The following KCNJ6 variants were observed in gnomAD, a reference collection of about 807,000 sequenced individuals.
KCNJ6 encodes potassium inwardly rectifying channel subfamily J member 6.
Under a neutral mutation model 34.2 loss-of-function variants are expected in KCNJ6, and 9 were observed. The ratio of observed to expected loss-of-function variants is 0.26; its 90% CI spans 0.16 to 0.46. The LOEUF (loss-of-function observed/expected upper bound fraction) is 0.46, where lower values mean the gene tolerates loss of function less well. Ranked by LOEUF, KCNJ6 falls within the 20% of genes least tolerant of loss-of-function variation. The pLI is 1.00. For missense variants in KCNJ6, 236 were observed against 531.3 expected, an observed-to-expected ratio of 0.44 and a Z score of 5.46; for synonymous variants, 196 against 207.1, an observed-to-expected ratio of 0.95 and a Z score of 0.46.
At chr21:37,627,017 A>G (rs184275436) in intron 3 of KCNJ6, among the ~76,000 whole-genome samples, 382 of 152,294 alleles carry the variant, frequency 2.5e-3, no homozygotes, top group Middle Eastern at 6.8e-3. Flanking sequence ...TAGGACCACC[A>G]ATAAGTATTA....
chr21:37,698,134 G>A (rs1357818778), intron 3 of KCNJ6, among the ~76,000 whole-genome samples: 5 of 152,140 alleles, frequency 3.3e-5, no homozygotes, highest in Non-Finnish European at 2.9e-5. Flanking sequence ...TGTTTACTGC[G>A]GGATCTCTGC....
At chr21:37,691,737 C>G (rs891495740) in intron 3 of KCNJ6, among the ~76,000 whole-genome samples, 1 of 152,102 alleles carries the variant, frequency 6.6e-6, no homozygotes, top group African/African-American at 2.4e-5. Context: ...GGAGGCCACT[C>G]GGCAGGGGTG....
intron 2 of KCNJ6, among the ~76,000 whole-genome samples, chr21:37,781,602 G>A (rs999118689): frequency 6.6e-6 from 1 of 152,158 alleles, no homozygotes; most frequent in Non-Finnish European, 1.5e-5. Context: ...CCATGAGGCA[G>A]GCGCTGGTCT....
chr21:37,859,487 T>TTA (rs55859652), intron 1 of KCNJ6, among the ~76,000 whole-genome samples: 1,174 of 83,848 alleles, frequency 0.014, 10 homozygotes, highest in Non-Finnish European at 0.019. Context: ...TTATATTACT[T>TTA]TATATATATA....
intron 2 of KCNJ6, among the ~76,000 whole-genome samples, chr21:37,740,173 G>C (rs1309494132): frequency 2.0e-5 from 3 of 152,214 alleles, no homozygotes; most frequent in Admixed American, 6.5e-5. Context: ...CCAACCATCT[G>C]AGTGGACTTC....
intron 2 of KCNJ6, among the ~76,000 whole-genome samples, chr21:37,815,282 T>A (rs984057774): frequency 1.2e-4 from 19 of 152,238 alleles, no homozygotes; most frequent in Non-Finnish European, 2.2e-4. Context: ...TGGATTGTTG[T>A]AACATAAAGG....
At chr21:37,864,920 G>A (rs963181883) in intron 1 of KCNJ6, among the ~76,000 whole-genome samples, 2 of 150,208 alleles carry the variant, frequency 1.3e-5, no homozygotes, top group African/African-American at 4.9e-5. Context: ...GCCCAGGCTG[G>A]TCTTGAAATT....
At chr21:37,877,704 C>T (rs1761595134) in intron 1 of KCNJ6, among the ~76,000 whole-genome samples, 3 of 152,112 alleles carry the variant, frequency 2.0e-5, no homozygotes, top group Admixed American at 2.0e-4. Context: ...ACAGTCGGAT[C>T]GGCCACAGGT....
intron 3 of KCNJ6, among the ~76,000 whole-genome samples, chr21:37,667,912 T>C (rs11701026): frequency 0.6 from 61,473 of 101,890 alleles, 12,484 homozygotes; most frequent in Admixed American, 0.62. Flanking sequence ...CAAGTGCCAC[T>C]CCTGGAGTGG....
intron 2 of KCNJ6, among the ~76,000 whole-genome samples, chr21:37,743,456 C>A (rs2054950881): frequency 6.6e-6 from 1 of 152,150 alleles, no homozygotes; most frequent in Non-Finnish European, 1.5e-5. Context: ...TTAATTGCCA[C>A]TGTGATGGTA....
intron 2 of KCNJ6, among the ~76,000 whole-genome samples, chr21:37,781,933 A>T (rs992987765): frequency 6.6e-6 from 1 of 152,194 alleles, no homozygotes; most frequent in Admixed American, 6.5e-5. Context: ...AGACGTCCAC[A>T]TCCCAATCCT....
At chr21:37,811,481 C>T (rs2055322414) in intron 2 of KCNJ6, among the ~76,000 whole-genome samples, 1 of 152,110 alleles carries the variant, frequency 6.6e-6, no homozygotes, top group African/African-American at 2.4e-5. Flanking sequence ...GACATTAACT[C>T]CAGGTAGATA....
chr21:37,644,449 C>A (rs531393217), intron 3 of KCNJ6, among the ~76,000 whole-genome samples: 2 of 152,256 alleles, frequency 1.3e-5, no homozygotes, highest in Non-Finnish European at 2.9e-5. Flanking sequence ...ATTAAAACAA[C>A]TTTTGGTTCC....
At chr21:37,670,948 T>C (rs1414129971) in intron 3 of KCNJ6, among the ~76,000 whole-genome samples, 1 of 152,236 alleles carries the variant, frequency 6.6e-6, no homozygotes, top group African/African-American at 2.4e-5. Context: ...TGGATGCTAT[T>C]GTCAATGGGC....
intron 2 of KCNJ6, among the ~76,000 whole-genome samples, chr21:37,833,554 G>T (rs1310092007): frequency 6.6e-6 from 1 of 152,214 alleles, no homozygotes; most frequent in Non-Finnish European, 1.5e-5. Flanking sequence ...GGCCATGGAT[G>T]TGAAAACGCA....
At chr21:37,842,780 G>A (rs2055487594) in intron 1 of KCNJ6, among the ~76,000 whole-genome samples, 1 of 152,216 alleles carries the variant, frequency 6.6e-6, no homozygotes, top group South Asian at 2.1e-4. Context: ...CTCAACAGCT[G>A]ACCCCAGCGG....
chr21:37,863,000 C>T (rs1217212098), intron 1 of KCNJ6, among the ~76,000 whole-genome samples: 2 of 152,164 alleles, frequency 1.3e-5, no homozygotes, highest in Non-Finnish European at 2.9e-5. Context: ...ACAGCAGAGC[C>T]GTGCTCATGA....
intron 3 of KCNJ6, among the ~76,000 whole-genome samples, chr21:37,688,048 A>G (rs146560039): frequency 7.5e-4 from 114 of 152,346 alleles, no homozygotes; most frequent in African/African-American, 2.6e-3. Flanking sequence ...TTTTAGGCAT[A>G]AAACACATGA....
chr21:37,620,354 G>C lies in KCNJ6; in HGVS notation c.*4805C>G, dbSNP rs1220864690. On this transcript the variant is annotated 3_prime_UTR_variant, in exon 4 of 4. Transcript: ENST00000609713. The stretch of plus-strand genomic sequence containing the variant: ...TGAGTGCATGTGGAAGCAGCCATAG[G>C]CAATACACAGACAAATGGCTGTGGC... The C allele has an allele frequency of 6.6e-6, 1 of 152,118 alleles. No homozygotes were observed. Among genetic ancestry groups the C allele is most frequent in the Non-Finnish European group, 1.5e-5 (1 of 68,028 alleles). The allele number at this position is 152,118 out of a possible 1,614,324, so 9.4% of individuals were successfully genotyped here. A position where few individuals can be genotyped will look rare whatever the true frequency, so the allele number is the denominator to read the frequency against.
Sources: gnomAD v4.1 joint callset for allele counts (sites outside exome capture counted in the v4.1 genomes callset) on GRCh38, gnomAD v4.1.1 for gene constraint, MANE v1.5 for transcripts, NCBI Gene and HGNC (gene_info 2026-07-23, HGNC 2026-07-21) for gene names.